Variants in NTRK2 observed in about 807,000 individuals in gnomAD.
NTRK2 encodes neurotrophic receptor tyrosine kinase 2.
NTRK2 carries 13 observed loss-of-function variants against 94.5 expected under a neutral mutation model. The observed-to-expected ratio is 0.14, with a 90% CI of 0.09 to 0.22. The LOEUF (loss-of-function observed/expected upper bound fraction) is 0.22. NTRK2 is among the 10% of genes least tolerant of loss of function. NTRK2 has a pLI of 1.00. For missense variants in NTRK2, 639 were observed against 1,071.2 expected, an observed-to-expected ratio of 0.60 and a Z score of 5.63; for synonymous variants, 372 against 407.4, an observed-to-expected ratio of 0.91 and a Z score of 1.05.
chr9:84,817,148 G>T (rs903652708), intron 12 of NTRK2, among the ~76,000 whole-genome samples: 1 of 152,152 alleles, frequency 6.6e-6, no homozygotes, highest in South Asian at 2.1e-4. Flanking sequence ...TGGGACACTC[G>T]GTATTGCTAA....
intron 2 of NTRK2, among the ~76,000 whole-genome samples, chr9:84,677,792 T>G (rs536674617): frequency 2.2e-4 from 34 of 152,292 alleles, no homozygotes; most frequent in African/African-American, 7.0e-4. Context: ...GGAGGTGGGC[T>G]GGTGCTTCAT....
At chr9:85,004,053 G>GGAAGAA (rs1830662687) in intron 17 of NTRK2, among the ~76,000 whole-genome samples, 1 of 64,820 alleles carries the variant, frequency 1.5e-5, no homozygotes, top group Non-Finnish European at 3.4e-5. Flanking sequence ...AAGGGAGAAA[G>GGAAGAA]AGAAAGAAAG....
chr9:84,710,870 A>G (rs1334725003), intron 6 of NTRK2, 79 bp downstream of exon 6: 1 of 1,399,216 alleles, frequency 7.1e-7, no homozygotes, highest in Non-Finnish European at 1.0e-6. Context: ...TGGGAAAATT[A>G]CCACTACCTG....
At chr9:84,863,580 C>G (rs2075431880) in intron 13 of NTRK2, among the ~76,000 whole-genome samples, 1 of 152,182 alleles carries the variant, frequency 6.6e-6, no homozygotes, top group South Asian at 2.1e-4. Context: ...TATGCACAGA[C>G]AGGCTGCTGT....
At chr9:84,740,774 A>T (rs193145317) in intron 9 of NTRK2, among the ~76,000 whole-genome samples, 6 of 152,356 alleles carry the variant, frequency 3.9e-5, no homozygotes, top group Non-Finnish European at 8.8e-5. Context: ...GAAATGCGTT[A>T]CAATTCTAAT....
chr9:84,851,112 T>C (rs2074746527), intron 12 of NTRK2, among the ~76,000 whole-genome samples: 1 of 152,154 alleles, frequency 6.6e-6, no homozygotes, highest in Non-Finnish European at 1.5e-5. Context: ...TAGATGCTCC[T>C]AGCACACACT....
intron 12 of NTRK2, among the ~76,000 whole-genome samples, chr9:84,829,146 G>T (rs916176268): frequency 2.6e-5 from 4 of 151,944 alleles, no homozygotes; most frequent in African/African-American, 9.7e-5. Flanking sequence ...TTACAGGCGG[G>T]TGCCACCACA....
chr9:84,728,091 A>T, intron 9 of NTRK2, 132 bp downstream of exon 9: 1 of 827,350 alleles, frequency 1.2e-6, no homozygotes, highest in Non-Finnish European at 2.0e-6. Flanking sequence ...TTGCTCATGG[A>T]TCCATAGGTC....
chr9:84,830,132 A>C (rs2073441788), intron 12 of NTRK2, among the ~76,000 whole-genome samples: 1 of 152,196 alleles, frequency 6.6e-6, no homozygotes, highest in African/African-American at 2.4e-5. Flanking sequence ...GACTTATGCT[A>C]AGTATGGAAG....
chr9:84,709,959 CTCTGTGTGTGTGTGTGTGTG>C (rs1389922947), intron 5 of NTRK2, among the ~76,000 whole-genome samples: 4 of 116,408 alleles, frequency 3.4e-5, no homozygotes, highest in African/African-American at 5.9e-5. Context: ...GAATAGCTTG[CTCTGTGTGTGTGTGTGTGTG>C]TGTGTGTGTG....
intron 14 of NTRK2, chr9:84,873,632 C>T: frequency 9.5e-7 from 1 of 1,053,644 alleles, no homozygotes; most frequent in Non-Finnish European, 1.1e-6. Flanking sequence ...GAAATGAATA[C>T]ATGCTGCATA....
rs571102975 is a variant in NTRK2 at position 84,949,704 on chromosome 9, G to A, written c.1937+1070G>A. Among the ~76,000 whole-genome samples, 222 of 152,296 alleles carry A rather than the reference G, an allele frequency of 1.5e-3. 2 individuals are homozygous for A. The highest frequency in any genetic ancestry group is 5.0e-3 in the African/African-American group (206 of 41,550). The stretch of plus-strand genomic sequence containing the variant: ...TGGTCTCGAACTCCTGACCTCGAGT[G>A]ATCTGCCTCCCTTAGCCTCCCAAAG... On this transcript the variant is annotated intron_variant, in intron 16 of 18. Coordinates refer to ENST00000277120, the MANE Select transcript of NTRK2 (RefSeq NM_006180.6).
intron 14 of NTRK2, chr9:84,875,955 G>A: frequency 9.6e-7 from 1 of 1,039,412 alleles, no homozygotes; most frequent in Non-Finnish European, 1.2e-6. Context: ...TTAGATATGT[G>A]TGATTTCAGA....
chr9:84,942,124 C>G (rs2078432069), intron 15 of NTRK2, among the ~76,000 whole-genome samples: 1 of 152,164 alleles, frequency 6.6e-6, no homozygotes, highest in South Asian at 2.1e-4. Flanking sequence ...CAAGCACAAT[C>G]TGAGTGTTTG....
chr9:84,747,474 T>TG, intron 11 of NTRK2, among the ~76,000 whole-genome samples: 1 of 119,634 alleles, frequency 8.4e-6, no homozygotes, highest in Non-Finnish European at 1.8e-5. Context: ...GTTTTCTGGG[T>TG]TTTTTTTTTT....
chr9:85,002,071 A>C (rs1209909542), intron 17 of NTRK2, among the ~76,000 whole-genome samples: 1 of 151,892 alleles, frequency 6.6e-6, no homozygotes, highest in African/African-American at 2.4e-5. Flanking sequence ...GCTAATACTC[A>C]CCCCTGCCTG....
chr9:84,794,187 T>A (rs570306127), intron 12 of NTRK2, among the ~76,000 whole-genome samples: 49 of 152,310 alleles, frequency 3.2e-4, no homozygotes, highest in Admixed American at 2.9e-3. Context: ...TGGCAGTAGA[T>A]ACGAACCACA....
At chr9:84,864,889 C>T (rs1171693661) in intron 13 of NTRK2, among the ~76,000 whole-genome samples, 11 of 151,718 alleles carry the variant, frequency 7.3e-5, no homozygotes, top group Non-Finnish European at 8.8e-5. Flanking sequence ...TACAGGTGCA[C>T]GCCACCACAC....
At chr9:84,977,601 T>C (rs1163808187) in intron 17 of NTRK2, among the ~76,000 whole-genome samples, 2 of 152,198 alleles carry the variant, frequency 1.3e-5, no homozygotes, top group Non-Finnish European at 2.9e-5. Context: ...TTTTACAGTG[T>C]AGGACAATTT....
Sources: allele counts gnomAD v4.1 joint callset (sites outside exome capture counted in the v4.1 genomes callset), GRCh38; gene constraint gnomAD v4.1.1; transcripts MANE v1.5; gene names NCBI Gene and HGNC (gene_info 2026-07-23, HGNC 2026-07-21).